The following SLC25A28 variants were observed in gnomAD, a reference collection of about 807,000 sequenced individuals.
The protein encoded by SLC25A28 is solute carrier family 25 member 28.
A neutral mutation model predicts 31.9 loss-of-function variants in SLC25A28; 10 were observed. That is an observed-to-expected ratio of 0.31 (90% confidence interval 0.19 to 0.53). SLC25A28 has a LOEUF of 0.53. SLC25A28 is among the 20% of genes least tolerant of loss of function. The pLI is 0.95. For missense variants in SLC25A28, 256 were observed against 490.3 expected (o/e 0.52, Z 4.51); for synonymous variants, 208 against 203.6 (o/e 1.02, Z -0.19).
chr10:99,623,681 G>A (rs1276421459), upstream of SLC25A28, among the ~76,000 whole-genome samples: 3 of 152,264 alleles, frequency 2.0e-5, no homozygotes, highest in South Asian at 4.1e-4. Flanking sequence ...GCATGGCCCT[G>A]GGATTTGCTT....
upstream of SLC25A28, chr10:99,621,428 C>G (rs1044802650): frequency 2.0e-5 from 3 of 152,530 alleles, no homozygotes; most frequent in Non-Finnish European, 4.4e-5. Flanking sequence ...GGCCGCATCC[C>G]AAAGGCAGCA....
the SLC25A28 span, among the ~76,000 whole-genome samples, chr10:99,653,510 G>A: frequency 6.6e-6 from 1 of 152,220 alleles, no homozygotes; most frequent in Non-Finnish European, 1.5e-5. Flanking sequence ...CACAGAAATT[G>A]TGAGAGATAA....
chr10:99,611,500 G>A lies in SLC25A28; in HGVS notation c.578-134C>T. ...AGAAAAAAGTATGAGTGAGCTGCTG[G>A]CTAACCTGAGAAGTCAGCTTCCCTT... On this transcript the variant is annotated intron_variant, in intron 3 of 3. Coordinates refer to ENST00000370495, the MANE Select transcript of SLC25A28 (RefSeq NM_031212.4). This position sits in a 1 kb window ranked among gnomAD's most constrained non-coding sequence, Gnocchi z 5.5. 2 of 1,113,726 alleles carry A rather than the reference G, an allele frequency of 1.8e-6. No individual in the cohort carries two copies. Among genetic ancestry groups the A allele is most frequent in the Non-Finnish European group, 2.5e-6 (2 of 788,510 alleles). The allele number at this position is 1,113,726 out of a possible 1,614,324, so 69.0% of individuals were successfully genotyped here.
At chr10:99,639,489 T>A in the SLC25A28 span, among the ~76,000 whole-genome samples, 4 of 152,014 alleles carry the variant, frequency 2.6e-5, no homozygotes, top group Non-Finnish European at 4.4e-5. Context: ...GAAAATTTTT[T>A]AAAAAATAAA....
upstream of SLC25A28, chr10:99,622,801 CCCTATCTT>C (rs2034820563): frequency 3.3e-6 from 2 of 601,422 alleles, no homozygotes; most frequent in Non-Finnish European, 4.2e-6. Context: ...CTCATTGGAA[CCCTATCTT>C]TATTTCCCTT....
chr10:99,614,502 C>G (rs951378571), intron 1 of SLC25A28, among the ~76,000 whole-genome samples: 21 of 152,184 alleles, frequency 1.4e-4, no homozygotes, highest in African/African-American at 4.8e-4. Flanking sequence ...TACCCTGAAA[C>G]TGCAAAGGTG....
In SLC25A28 at chr10:99,611,486, T is replaced by A; in HGVS notation, c.578-120A>T. 7.9e-7 allele frequency: 1 copy of A among 1,261,850 alleles called. No homozygotes were observed. Among genetic ancestry groups the A allele is most frequent in the Non-Finnish European group, 1.1e-6 (1 of 914,262 alleles). The allele number at this position is 1,261,850 out of a possible 1,614,324, so 78.2% of individuals were successfully genotyped here. A position where few individuals can be genotyped will look rare whatever the true frequency, so the allele number is the denominator to read the frequency against. ...AATGGAATAGAGAGAGAAAAAAGTATGAGTGAGCTGCTGGCTAACCTGAGA... is the reference window on the plus strand; with the variant it reads ...AATGGAATAGAGAGAGAAAAAAGTAAGAGTGAGCTGCTGGCTAACCTGAGA... On this transcript the variant is annotated intron_variant, in intron 3 of 3. Transcript: ENST00000370495. The surrounding 1 kb of genome is among the most constrained non-coding windows in gnomAD (Gnocchi z 5.5).
At chr10:99,637,691 GCAAAAA>G in the SLC25A28 span, among the ~76,000 whole-genome samples, 1 of 151,638 alleles carries the variant, frequency 6.6e-6, no homozygotes. Context: ...TACAGTTGCT[GCAAAAA>G]CAAAAACAAA....
chr10:99,622,468 C>T (rs2034814128), upstream of SLC25A28, among the ~76,000 whole-genome samples: 1 of 152,194 alleles, frequency 6.6e-6, no homozygotes, highest in Non-Finnish European at 1.5e-5. Context: ...CCTTTACTGC[C>T]AGATTACTCC....
At chr10:99,648,151 A>T in the SLC25A28 span, among the ~76,000 whole-genome samples, 2 of 129,952 alleles carry the variant, frequency 1.5e-5, no homozygotes, top group African/African-American at 6.0e-5. Context: ...GGTGTGCACC[A>T]CCATGCCCAG....
chr10:99,616,113 T>C, intron 1 of SLC25A28: 8 of 985,406 alleles, frequency 8.1e-6, no homozygotes, highest in Non-Finnish European at 9.6e-6. Context: ...TACAGAAAGA[T>C]GAAATATCTA....
At chr10:99,640,167 C>T in the SLC25A28 span, among the ~76,000 whole-genome samples, 34 of 152,172 alleles carry the variant, frequency 2.2e-4, no homozygotes, top group Non-Finnish European at 4.1e-4. Context: ...TCCATCACCG[C>T]ATAACAAATT....
At chr10:99,628,129 C>A in the SLC25A28 span, among the ~76,000 whole-genome samples, 1 of 152,156 alleles carries the variant, frequency 6.6e-6, no homozygotes, top group Non-Finnish European at 1.5e-5. Context: ...ATTTAAGTGG[C>A]ACATTTATGG....
chr10:99,656,285 G>C, the SLC25A28 span, among the ~76,000 whole-genome samples: 3 of 152,166 alleles, frequency 2.0e-5, no homozygotes, highest in Non-Finnish European at 2.9e-5. Flanking sequence ...GGCTTCATTA[G>C]AAGATCTTGG....
Position 99,610,593 on chromosome 10 carries a change from G to C in SLC25A28, c.*256C>G, listed in dbSNP as rs887233963. The C allele has an allele frequency of 1.5e-5, 8 of 525,294 alleles. No homozygotes were observed. Among genetic ancestry groups the C allele is most frequent in the Non-Finnish European group, 2.1e-5 (6 of 290,826 alleles). The allele number at this position is 525,294 out of a possible 1,614,324, so 32.5% of individuals were successfully genotyped here. On this transcript the variant is annotated 3_prime_UTR_variant, in exon 4 of 4. Coordinates refer to ENST00000370495, the MANE Select transcript of SLC25A28 (RefSeq NM_031212.4). ...ATCCCTCTATAACAGTCTAGAGCAG[G>C]TCATCAGGCCCAGGATGGAGAGAGG...
chr10:99,638,934 TG>T, the SLC25A28 span, among the ~76,000 whole-genome samples: 2 of 152,152 alleles, frequency 1.3e-5, no homozygotes, highest in African/African-American at 4.8e-5. Flanking sequence ...ATCCCACTAT[TG>T]GGTATCTACT....
At chr10:99,634,098 G>A in the SLC25A28 span, among the ~76,000 whole-genome samples, 1 of 152,178 alleles carries the variant, frequency 6.6e-6, no homozygotes, top group Non-Finnish European at 1.5e-5. Context: ...AGGAAAGGGG[G>A]AGAGTACTAC....
chr10:99,639,792 G>A, the SLC25A28 span, among the ~76,000 whole-genome samples: 1 of 150,504 alleles, frequency 6.6e-6, no homozygotes, highest in African/African-American at 2.4e-5. Context: ...CATCAAAAGA[G>A]ATAATCCCAT....
intron 3 of SLC25A28, among the ~76,000 whole-genome samples, 173 bp downstream of exon 3, chr10:99,612,370 T>G (rs568955603): frequency 4.3e-4 from 66 of 152,370 alleles, no homozygotes; most frequent in African/African-American, 1.5e-3. Context: ...CCAGTGAATC[T>G]GCTTCCTGTC....
Sources: gnomAD v4.1 joint callset for allele counts (sites outside exome capture counted in the v4.1 genomes callset) on GRCh38, gnomAD v4.1.1 for gene constraint, Gnocchi (gnomAD v3.1) non-coding constraint, MANE v1.5 for transcripts, NCBI Gene and HGNC (gene_info 2026-07-23, HGNC 2026-07-21) for gene names.